TBCD: variants seen among roughly 807,000 people sequenced by gnomAD.
TBCD encodes tubulin-specific chaperone D.
TBCD carries 105 observed loss-of-function variants against 169.3 expected under a neutral mutation model. That is an observed-to-expected ratio of 0.62 (90% CI 0.53 to 0.73). The LOEUF is 0.73. Ranked by LOEUF, TBCD falls within the 30% of genes least tolerant of loss-of-function variation. The pLI is 0.00. For synonymous variants in TBCD, 700 were observed against 643.9 expected, an observed-to-expected ratio of 1.09 and a Z score of -1.32; for missense variants, 1,444 against 1,600.1, an observed-to-expected ratio of 0.90 and a Z score of 1.66.
intron 27 of TBCD, among the ~76,000 whole-genome samples, chr17:82,925,480 C>T (rs1385967319): frequency 6.6e-6 from 1 of 152,136 alleles, no homozygotes. Context: ...CCTCAGTGAC[C>T]TGCTCTCTCA....
intron 28 of TBCD, among the ~76,000 whole-genome samples, chr17:82,926,693 T>C (rs898861078): frequency 6.6e-6 from 1 of 152,228 alleles, no homozygotes; most frequent in Non-Finnish European, 1.5e-5. Context: ...GTTAAACTTC[T>C]TTAGGGACAC....
At chr17:82,938,511 CA>C (rs553994096) in intron 36 of TBCD, among the ~76,000 whole-genome samples, 4 of 151,750 alleles carry the variant, frequency 2.6e-5, no homozygotes, top group Admixed American at 6.5e-5. Flanking sequence ...CTCCTGGCTG[CA>C]AAAAAAACCT....
chr17:82,926,167 C>T (rs917611125), intron 27 of TBCD, among the ~76,000 whole-genome samples: 19 of 144,478 alleles, frequency 1.3e-4, no homozygotes, highest in Non-Finnish European at 2.7e-4. Flanking sequence ...GACTCCTCCC[C>T]GGGTGTCCTT....
chr17:82,901,534 GCCTACTATTGGTCCTGCTT>G (rs1395652406), intron 18 of TBCD, among the ~76,000 whole-genome samples: 1 of 144,760 alleles, frequency 6.9e-6, no homozygotes, highest in African/African-American at 2.6e-5. Context: ...TGGTCCTGCT[GCCTACTATTGGTCCTGCTT>G]CCTGGGGAGC....
intron 12 of TBCD, among the ~76,000 whole-genome samples, chr17:82,811,795 C>T (rs552918312): frequency 1.3e-5 from 2 of 152,332 alleles, no homozygotes; most frequent in East Asian, 3.9e-4. Context: ...GCCCACAGCC[C>T]TGCATGGTGG....
chr17:82,819,889 G>C (rs1180843288), intron 13 of TBCD, among the ~76,000 whole-genome samples: 1 of 152,124 alleles, frequency 6.6e-6, no homozygotes, highest in East Asian at 1.9e-4. Flanking sequence ...CCATGAGTAA[G>C]CTCCTACAAT....
At chr17:82,817,647 A>G (rs920521715) in intron 13 of TBCD, among the ~76,000 whole-genome samples, 9 of 152,048 alleles carry the variant, frequency 5.9e-5, no homozygotes, top group African/African-American at 1.9e-4. Flanking sequence ...GGGTCTCACT[A>G]TGTGGCCCAG....
intron 14 of TBCD, among the ~76,000 whole-genome samples, chr17:82,881,316 C>T (rs2058336671): frequency 6.6e-6 from 1 of 152,150 alleles, no homozygotes; most frequent in African/African-American, 2.4e-5. Flanking sequence ...CACTGGTGAT[C>T]CGTGGTTGTT....
In TBCD at chr17:82,831,216, C is replaced by G; in HGVS notation, c.1318+16282C>G. On this transcript the variant is annotated intron_variant, in intron 13 of 38. Coordinates refer to ENST00000355528, the MANE Select transcript of TBCD (RefSeq NM_005993.5). The surrounding 1 kb of genome is among the most constrained non-coding windows in gnomAD (Gnocchi z 4.6). The stretch of plus-strand genomic sequence containing the variant: ...GCATGAAGTCGGTGGGGCTCGGCCT[C>G]CCTGGGGAGCCCGTGGCTGCACTCC... 1 of 1,614,002 alleles carries G rather than the reference C, an allele frequency of 6.2e-7. No homozygotes were observed. The highest frequency in any genetic ancestry group is 1.6e-4 in the Middle Eastern group (1 of 6,062).
chr17:82,872,982 G>A (rs531064443), intron 14 of TBCD, among the ~76,000 whole-genome samples: 91 of 144,428 alleles, frequency 6.3e-4, no homozygotes, highest in African/African-American at 2.3e-3. Context: ...AGCCAGGCCC[G>A]GCACCTCGTG....
In TBCD at chr17:82,880,848, G is replaced by A. The variant is rs558796863; in HGVS notation, c.1476-3297G>A. On this transcript the variant is annotated intron_variant, in intron 14 of 38. Transcript: ENST00000355528. The surrounding 1 kb of genome is among the most constrained non-coding windows in gnomAD (Gnocchi z 5.0). ...TTGCCGTCTCCCCAGGGTGCAGAGCGTGGTGGTTTGTGGCCATCCTTGCAG... is the reference window on the plus strand; with the variant it reads ...TTGCCGTCTCCCCAGGGTGCAGAGCATGGTGGTTTGTGGCCATCCTTGCAG... Among the ~76,000 whole-genome samples the A allele has an allele frequency of 1.8e-4, 27 of 152,200 alleles. No homozygotes were observed. Among genetic ancestry groups the A allele is most frequent in the African/African-American group, 5.3e-4 (22 of 41,542 alleles).
intron 13 of TBCD, among the ~76,000 whole-genome samples, chr17:82,845,480 G>A (rs1238439196): frequency 8.9e-6 from 1 of 112,728 alleles, no homozygotes; most frequent in African/African-American, 3.1e-5. Context: ...CTTCCTCTCC[G>A]TCTGTCCTGT....
At chr17:82,879,927 C>A (rs1403184449) in intron 14 of TBCD, among the ~76,000 whole-genome samples, 1 of 151,828 alleles carries the variant, frequency 6.6e-6, no homozygotes, top group African/African-American at 2.4e-5. Flanking sequence ...ACGGACCTGG[C>A]GGTCACAGGC....
intron 34 of TBCD, among the ~76,000 whole-genome samples, chr17:82,935,171 CT>C (rs1768550558): frequency 1.3e-5 from 2 of 152,292 alleles, no homozygotes; most frequent in Admixed American, 6.5e-5. Flanking sequence ...TCAGTTTTGG[CT>C]TTTCAGATTT....
intron 34 of TBCD, among the ~76,000 whole-genome samples, chr17:82,935,734 C>T (rs1268839843): frequency 6.6e-6 from 1 of 152,170 alleles, no homozygotes. Context: ...GATATTTTGT[C>T]TTAGATGTAC....
At chr17:82,850,342 G>GCTGTTGTTGGCTGTC (rs879426882) in intron 13 of TBCD, among the ~76,000 whole-genome samples, 39,883 of 100,374 alleles carry the variant, frequency 0.4, 12,256 homozygotes, top group East Asian at 0.5. Flanking sequence ...TGTTGGCTGT[G>GCTGTTGTTGGCTGTC]CTGTTGTTGG....
chr17:82,832,673 G>A lies in TBCD; in HGVS notation c.1318+17739G>A. The A allele has an allele frequency of 3.4e-6, 2 of 591,290 alleles. No individual in the cohort carries two copies. Among genetic ancestry groups the A allele is most frequent in the South Asian group, 4.0e-5 (2 of 50,094 alleles). The allele number at this position is 591,290 out of a possible 1,614,324, so 36.6% of individuals were successfully genotyped here. A position where few individuals can be genotyped will look rare whatever the true frequency, so the allele number is the denominator to read the frequency against. Reference sequence around the variant, plus strand: ...AGCAGTCTTGGTGTCAGGACAGCGAGTGAGGGGTCGGCGAGAAGCCGGCCT... The same window carrying A: ...AGCAGTCTTGGTGTCAGGACAGCGAATGAGGGGTCGGCGAGAAGCCGGCCT... On this transcript the variant is annotated intron_variant, in intron 13 of 38. Transcript: ENST00000355528. This position sits in a 1 kb window ranked among gnomAD's most constrained non-coding sequence, Gnocchi z 4.9.
intron 13 of TBCD, among the ~76,000 whole-genome samples, chr17:82,838,166 G>A (rs1370781013): frequency 1.3e-5 from 2 of 152,196 alleles, no homozygotes; most frequent in Admixed American, 1.3e-4. Context: ...AGTGGTTTCG[G>A]TTGGCCATGG....
rs546054945 is a variant in TBCD at position 82,909,832 on chromosome 17, G to A, written c.2006+525G>A. On this transcript the variant is annotated intron_variant, in intron 22 of 38. Transcript: ENST00000355528. ...GCAGGGGTGTGGCCTCCCCAACCCC[G>A]AGATCTGGCCGGGTGCCTCCCTGAG... is the stretch of plus-strand genomic sequence containing the variant. Among the ~76,000 whole-genome samples, 22 of 152,354 alleles carry A rather than the reference G, an allele frequency of 1.4e-4. No homozygotes were observed. The South Asian group carries it at 3.7e-3, about 26-fold the overall frequency.
Sources: gnomAD v4.1 joint callset for allele counts (sites outside exome capture counted in the v4.1 genomes callset) on GRCh38, gnomAD v4.1.1 for gene constraint, Gnocchi (gnomAD v3.1) non-coding constraint, MANE v1.5 for transcripts, NCBI Gene and HGNC (gene_info 2026-07-23, HGNC 2026-07-21) for gene names.